SLC7A9: variants seen among roughly 807,000 people sequenced by gnomAD.
SLC7A9 encodes the protein B(0,+)-type amino acid transporter 1.
SLC7A9 carries 38 observed loss-of-function variants against 54.1 expected under a neutral mutation model. That is an observed-to-expected ratio of 0.70 (90% CI 0.54 to 0.92). The LOEUF is 0.92. SLC7A9 is among the 40% of genes least tolerant of loss of function. SLC7A9 has a pLI of 0.00. For missense variants in SLC7A9, 537 were observed against 636.1 expected, an observed-to-expected ratio of 0.84 and a Z score of 1.68; for synonymous variants, 264 against 258.9, an observed-to-expected ratio of 1.02 and a Z score of -0.19.
In SLC7A9 at chr19:32,839,303, C is replaced by G. The variant is rs113423424; in HGVS notation, c.1224+2865G>C. Among the ~76,000 whole-genome samples the G allele has an allele frequency of 4.6e-3, 707 of 152,090 alleles. 7 individuals are homozygous for G. Among genetic ancestry groups the G allele is most frequent in the African/African-American group, 0.016 (672 of 41,464 alleles). On this transcript the variant is annotated intron_variant, in intron 11 of 12. Coordinates refer to ENST00000023064, the MANE Select transcript of SLC7A9 (RefSeq NM_014270.5). ...GGCACGGTGGCTCACACCTGTAATC[C>G]CAGCACTTTGGAAGGCTGAAGTGGG...
intron 12 of SLC7A9, chr19:32,832,778 G>C: frequency 3.4e-6 from 1 of 293,220 alleles, no homozygotes; most frequent in Non-Finnish European, 6.7e-6. Context: ...CAGGTGTAGT[G>C]TGTGCCTGTG....
At chr19:32,858,385 G>T in intron 9 of SLC7A9, 55 bp downstream of exon 9, 2 of 1,215,356 alleles carry the variant, frequency 1.6e-6, no homozygotes, top group Non-Finnish European at 1.2e-6. Context: ...CCTCGGGGGT[G>T]ATATTGCTTT....
At position 32,833,305 on chromosome 19, in the gene SLC7A9, C is replaced by G. The variant is rs143999252; in HGVS notation, c.1243G>C (p.Val415Leu). 3 of 1,613,972 alleles carry G rather than the reference C, an allele frequency of 1.9e-6. No homozygotes were observed. Among genetic ancestry groups the G allele is most frequent in the Non-Finnish European group, 2.5e-6 (3 of 1,180,028 alleles). ...RPIKVPVVIP[V>L]LMTLISVFLV... Reference sequence around the variant, plus strand: ...AACACAGAGATGAGTGTCATCAAGACGGGAATGACTACGGGCACCTGGAGA... The same window carrying G: ...AACACAGAGATGAGTGTCATCAAGAGGGGAATGACTACGGGCACCTGGAGA... The change falls in exon 12 of 13, where the codon GTC (valine) becomes CTC (leucine). Residue 415 changes from valine to leucine, a missense_variant. Physicochemically the swap from Val to Leu is conservative, Grantham distance 32 (BLOSUM62 1). Transcript: ENST00000023064.
In SLC7A9 at chr19:32,864,012, A is replaced by T. The variant is rs1416073822; in HGVS notation, c.478+84T>A. The T allele has an allele frequency of 2.5e-6, 4 of 1,593,064 alleles. No individual in the cohort carries two copies. The African/African-American group carries it at 5.4e-5, about 21-fold the overall frequency. The stretch of plus-strand genomic sequence containing the variant: ...CTGCCTGGGCTCTCACCAGAGACTC[A>T]CTGGGGAGGAGCTGAGGGCGGAGTC... On this transcript the variant is annotated intron_variant, in intron 4 of 12. Transcript: ENST00000023064.
chr19:32,854,781 T>C (rs913619563), intron 9 of SLC7A9, among the ~76,000 whole-genome samples: 2 of 152,016 alleles, frequency 1.3e-5, no homozygotes, highest in Non-Finnish European at 2.9e-5. Flanking sequence ...AGAGACAGGG[T>C]TTCACCATGT....
Position 32,842,216 on chromosome 19 carries a change from T to C in SLC7A9, c.1176A>G (p.Gly392=). ...AWLFYGLTIL[G]LIVMRFTRKE... ...TCCTTGTAAATCTCATCACGATGAG[T>C]CCTAGAATCGTCAGGCCATAAAACA... Residue 392 remains glycine (G), a synonymous_variant, in exon 11 of 13, where the codon GGA becomes GGG. Coordinates refer to ENST00000023064, the MANE Select transcript of SLC7A9 (RefSeq NM_014270.5). 1 of 1,613,984 alleles carries C rather than the reference T, an allele frequency of 6.2e-7. No homozygotes were observed.
chr19:32,864,301 G>C lies in SLC7A9; in HGVS notation c.273C>G (p.Thr91=). The change falls in exon 4 of 13, where the codon ACC becomes ACG. Residue 91 remains threonine, a synonymous_variant. Coordinates refer to ENST00000023064, the MANE Select transcript of SLC7A9 (RefSeq NM_014270.5). ...GGTAGGGATACTCTCCCCCTGACTT[G>C]GTGATCATTGTGCCAAGCTCCGCAA... is the stretch of plus-strand genomic sequence containing the variant. ...LCFAELGTMI[T]KSGGEYPYLM... is the part of the protein sequence containing the mutation. The C allele has an allele frequency of 6.2e-7, 1 of 1,614,062 alleles. No homozygotes were observed. The highest frequency in any genetic ancestry group is 8.5e-7 in the Non-Finnish European group (1 of 1,179,990).
chr19:32,857,310 G>T (rs866219135), intron 9 of SLC7A9, among the ~76,000 whole-genome samples: 12 of 152,036 alleles, frequency 7.9e-5, no homozygotes, highest in South Asian at 2.1e-4. Context: ...TGGGTGTGAT[G>T]GCACGTGCCT....
chr19:32,837,767 T>G (rs1009137884), intron 11 of SLC7A9, among the ~76,000 whole-genome samples: 64 of 152,276 alleles, frequency 4.2e-4, no homozygotes, highest in African/African-American at 1.5e-3. Flanking sequence ...TTTTGATGTG[T>G]GTTGAATTTG....
intron 11 of SLC7A9, 63 bp from the exon 12 acceptor site, chr19:32,833,386 C>A: frequency 1.3e-6 from 2 of 1,497,876 alleles, no homozygotes; most frequent in East Asian, 2.3e-5. Context: ...TGATAAAAAA[C>A]CGATTTTTAT....
At chr19:32,854,009 T>C (rs1487775489) in intron 9 of SLC7A9, among the ~76,000 whole-genome samples, 14 of 149,870 alleles carry the variant, frequency 9.3e-5, no homozygotes. Flanking sequence ...GAAGACTCAG[T>C]ATTTTTTTTT....
At position 32,864,003 on chromosome 19, in the gene SLC7A9, CAG is replaced by C; in HGVS notation, c.478+91_478+92del. 3.1e-6 allele frequency: 5 copies of C among 1,593,978 alleles called. No individual in the cohort carries two copies. In the South Asian group the frequency reaches 5.6e-5, roughly 18 times the overall value. On this transcript the variant is annotated intron_variant, in intron 4 of 12. Transcript: ENST00000023064. ...TGCCAGGCCCTGCCTGGGCTCTCAC[CAG>C]AGACTCACTGGGGAGGAGCTGAGGG...
intron 12 of SLC7A9, among the ~76,000 whole-genome samples, chr19:32,832,607 A>G (rs1341356704): frequency 6.8e-6 from 1 of 146,924 alleles, no homozygotes; most frequent in East Asian, 2.1e-4. Context: ...AAAAAAAAGA[A>G]AGAAAGAAAG....
At chr19:32,841,933 CTT>C (rs1968137749) in intron 11 of SLC7A9, among the ~76,000 whole-genome samples, 1 of 152,060 alleles carries the variant, frequency 6.6e-6, no homozygotes, top group African/African-American at 2.4e-5. Context: ...AGGTGGACCT[CTT>C]TGGTTACAGA....
intron 11 of SLC7A9, among the ~76,000 whole-genome samples, chr19:32,840,510 AT>A (rs996622720): frequency 2.6e-5 from 4 of 151,352 alleles, no homozygotes; most frequent in South Asian, 2.1e-4. Flanking sequence ...TTCTGAAATG[AT>A]TTTTTTCCCT....
chr19:32,838,304 T>C (rs913968386), intron 11 of SLC7A9, among the ~76,000 whole-genome samples: 2 of 152,052 alleles, frequency 1.3e-5, no homozygotes, highest in African/African-American at 2.4e-5. Flanking sequence ...TCCTCTTTTT[T>C]AATGTGTCTT....
intron 8 of SLC7A9, 127 bp downstream of exon 8, chr19:32,859,714 A>G: frequency 2.3e-6 from 2 of 868,936 alleles, no homozygotes; most frequent in Non-Finnish European, 3.8e-6. Flanking sequence ...GTGCGTGCCC[A>G]GTCCATGTCC....
chr19:32,869,414 C>T (rs144568816), intron 1 of SLC7A9, among the ~76,000 whole-genome samples: 15 of 152,080 alleles, frequency 9.9e-5, no homozygotes, highest in African/African-American at 3.4e-4. Context: ...TTTATAAAGA[C>T]GGGAGTGTTG....
intron 9 of SLC7A9, among the ~76,000 whole-genome samples, chr19:32,854,268 C>A (rs1726124823): frequency 6.6e-6 from 1 of 152,024 alleles, no homozygotes; most frequent in Non-Finnish European, 1.5e-5. Flanking sequence ...TCCCCCTCGG[C>A]CTCCCAAAGT....
Sources: allele counts gnomAD v4.1 joint callset (sites outside exome capture counted in the v4.1 genomes callset), GRCh38; gene constraint gnomAD v4.1.1; transcripts MANE v1.5; gene names NCBI Gene and HGNC (gene_info 2026-07-23, HGNC 2026-07-21).